Variants in NMNAT2 observed in about 807,000 individuals in gnomAD.
NMNAT2 encodes the protein nicotinamide nucleotide adenylyltransferase 2.
A neutral mutation model predicts 41.6 loss-of-function variants in NMNAT2; 11 were observed. That is an observed-to-expected ratio of 0.26 (90% CI 0.17 to 0.44). NMNAT2 has a LOEUF of 0.44. Ranked by LOEUF, NMNAT2 falls within the 20% of genes least tolerant of loss-of-function variation. The pLI is 1.00. For missense variants in NMNAT2, 288 were observed against 407.7 expected (o/e 0.71, Z 2.53); for synonymous variants, 148 against 151.2 (o/e 0.98, Z 0.16).
chr1:183,416,187 A>G lies in NMNAT2; in HGVS notation c.85+1996T>C, dbSNP rs189318374. ...CTGTTAACAAAGAATCTTCAGCTAC[A>G]AGACAGAATCTTTGGTTCTCAATCC... On this transcript the variant is annotated intron_variant, in intron 1 of 10. Coordinates refer to ENST00000287713, the MANE Select transcript of NMNAT2 (RefSeq NM_015039.4). Among the ~76,000 whole-genome samples, 627 of 152,364 alleles carry G rather than the reference A, an allele frequency of 4.1e-3. 19 individuals are homozygous for G. The highest frequency in any genetic ancestry group is 0.037 in the Admixed American group (570 of 15,304).
At chr1:183,309,967 G>A (rs1009828487) in intron 1 of NMNAT2, among the ~76,000 whole-genome samples, 3 of 152,100 alleles carry the variant, frequency 2.0e-5, no homozygotes, top group Admixed American at 2.0e-4. Context: ...TTTTATCCTG[G>A]GTGAACCTTT....
At chr1:183,385,861 C>T (rs1427974297) in intron 1 of NMNAT2, among the ~76,000 whole-genome samples, 2 of 152,198 alleles carry the variant, frequency 1.3e-5, no homozygotes, top group African/African-American at 4.8e-5. Context: ...GTTCCTCTCT[C>T]AGACCAAGAC....
chr1:183,397,133 T>G (rs1199134318), intron 1 of NMNAT2, among the ~76,000 whole-genome samples: 1 of 152,180 alleles, frequency 6.6e-6, no homozygotes, highest in African/African-American at 2.4e-5. Flanking sequence ...TTCTTGAGTG[T>G]GTACTTTTTA....
At chr1:183,378,385 C>T (rs56271322) in intron 1 of NMNAT2, among the ~76,000 whole-genome samples, 2,480 of 144,954 alleles carry the variant, frequency 0.017, 53 homozygotes, top group African/African-American at 0.059. Context: ...CAGAGGGAGA[C>T]TCCATTAAAA....
At chr1:183,391,069 T>C (rs886921909) in intron 1 of NMNAT2, among the ~76,000 whole-genome samples, 14 of 152,198 alleles carry the variant, frequency 9.2e-5, no homozygotes, top group African/African-American at 1.4e-4. Flanking sequence ...TCAATGAGCA[T>C]AGAAGAGTTC....
chr1:183,389,756 GAAAGAAAGAAAGAAAGA>G, intron 1 of NMNAT2, among the ~76,000 whole-genome samples: 1 of 26,858 alleles, frequency 3.7e-5, no homozygotes, highest in South Asian at 1.7e-3. Context: ...AAGAAAGAAA[GAAAGAAAGAAAGAAAGA>G]AAGAAAGAAA....
chr1:183,252,365 C>T lies in NMNAT2; in HGVS notation c.*276G>A, dbSNP rs1167470205. 4.7e-6 allele frequency: 2 copies of T among 429,310 alleles called. No homozygotes were observed. Among genetic ancestry groups the T allele is most frequent in the African/African-American group, 2.0e-5 (1 of 49,342 alleles). 26.6% of individuals were successfully genotyped at this position (429,310 alleles called of 1,614,324 possible). On this transcript the variant is annotated 3_prime_UTR_variant, in exon 11 of 11. Coordinates refer to ENST00000287713, the MANE Select transcript of NMNAT2 (RefSeq NM_015039.4). ...CGCCTCTCTAGAGCATGCTGGGAGACGGACACCAGTACATCTCCAAGGACT... is the reference window on the plus strand; with the variant it reads ...CGCCTCTCTAGAGCATGCTGGGAGATGGACACCAGTACATCTCCAAGGACT...
chr1:183,284,914 G>T, intron 5 of NMNAT2, 124 bp from the exon 6 acceptor site: 1 of 739,676 alleles, frequency 1.4e-6, no homozygotes, highest in South Asian at 1.5e-5. Context: ...CAGGAGTGGG[G>T]AGCAGGAGGT....
chr1:183,256,813 A>G (rs1024860265), intron 10 of NMNAT2, among the ~76,000 whole-genome samples: 1 of 152,096 alleles, frequency 6.6e-6, no homozygotes, highest in African/African-American at 2.4e-5. Flanking sequence ...GCAGCAGCGC[A>G]TGATCTCAGT....
intron 1 of NMNAT2, among the ~76,000 whole-genome samples, chr1:183,386,022 G>C (rs1648233008): frequency 6.6e-6 from 1 of 152,152 alleles, no homozygotes; most frequent in Non-Finnish European, 1.5e-5. Context: ...GGAAGCTCCA[G>C]AGAAGAGACA....
At chr1:183,266,195 C>T (rs1377567297) in intron 8 of NMNAT2, among the ~76,000 whole-genome samples, 1 of 152,154 alleles carries the variant, frequency 6.6e-6, no homozygotes, top group Non-Finnish European at 1.5e-5. Context: ...CCTAAGCCAC[C>T]AAGTTTGCAG....
chr1:183,372,398 A>G (rs1311550536), intron 1 of NMNAT2, among the ~76,000 whole-genome samples: 3 of 152,200 alleles, frequency 2.0e-5, no homozygotes, highest in Non-Finnish European at 2.9e-5. Context: ...GAGAACAGCA[A>G]AGCCAGAGAG....
intron 1 of NMNAT2, among the ~76,000 whole-genome samples, chr1:183,393,807 C>T (rs776060856): frequency 1.3e-5 from 2 of 152,162 alleles, no homozygotes; most frequent in Non-Finnish European, 2.9e-5. Flanking sequence ...CCTCCCGCCT[C>T]GGCCTTCCAA....
intron 1 of NMNAT2, among the ~76,000 whole-genome samples, chr1:183,403,404 T>A (rs890343973): frequency 6.6e-6 from 1 of 152,066 alleles, no homozygotes; most frequent in Non-Finnish European, 1.5e-5. Context: ...CTGTGGGTTC[T>A]ATTGAGTTGG....
intron 8 of NMNAT2, among the ~76,000 whole-genome samples, chr1:183,265,415 C>T (rs900344650): frequency 1.3e-5 from 2 of 151,738 alleles, no homozygotes; most frequent in Non-Finnish European, 2.9e-5. Context: ...TACAGGCATG[C>T]GCCACCATGC....
chr1:183,306,094 G>A (rs1661987434), intron 1 of NMNAT2, among the ~76,000 whole-genome samples: 1 of 152,094 alleles, frequency 6.6e-6, no homozygotes, highest in East Asian at 1.9e-4. Flanking sequence ...ATGGAACAGA[G>A]TTCCCTTCTA....
At chr1:183,410,705 C>T (rs1320067292) in intron 1 of NMNAT2, among the ~76,000 whole-genome samples, 3 of 151,954 alleles carry the variant, frequency 2.0e-5, no homozygotes, top group Non-Finnish European at 4.4e-5. Flanking sequence ...CATACATATC[C>T]TGCTCTCTTC....
chr1:183,388,078 A>T (rs577999528), intron 1 of NMNAT2, among the ~76,000 whole-genome samples: 1 of 152,396 alleles, frequency 6.6e-6, no homozygotes, highest in East Asian at 1.9e-4. Context: ...CAAAGCAGGT[A>T]CAATGATATC....
At chr1:183,378,414 G>A (rs765826925) in intron 1 of NMNAT2, among the ~76,000 whole-genome samples, 2 of 149,626 alleles carry the variant, frequency 1.3e-5, no homozygotes, top group Non-Finnish European at 3.0e-5. Context: ...AATTAGCCAG[G>A]TGTGGTGGTG....
Sources: allele counts gnomAD v4.1 joint callset (sites outside exome capture counted in the v4.1 genomes callset), GRCh38; gene constraint gnomAD v4.1.1; transcripts MANE v1.5; gene names NCBI Gene and HGNC (gene_info 2026-07-23, HGNC 2026-07-21).